Variants in N4BP2 observed in about 807,000 individuals in gnomAD.
N4BP2 encodes NEDD4 binding protein 2.
Under a neutral mutation model 152.8 loss-of-function variants are expected in N4BP2, and 91 were observed. The observed-to-expected ratio is 0.60, with a 90% CI of 0.50 to 0.71. The LOEUF (loss-of-function observed/expected upper bound fraction) is 0.71. N4BP2 is among the 30% of genes least tolerant of loss of function. The probability of loss-of-function intolerance (pLI) is 0.00; values close to 1 mark genes in which losing one functional copy is unlikely to be tolerated. For missense variants in N4BP2, 1,923 were observed against 2,059.1 expected (o/e 0.93, Z 1.28); for synonymous variants, 646 against 705.3 (o/e 0.92, Z 1.33).
chr4:40,075,138 A>AT (rs1208994553), intron 2 of N4BP2, among the ~76,000 whole-genome samples: 1 of 152,182 alleles, frequency 6.6e-6, no homozygotes, highest in Non-Finnish European at 1.5e-5. Flanking sequence ...ATTTTGGCGT[A>AT]TATATCATGA....
chr4:40,116,203 A>G (rs1941287233), intron 7 of N4BP2, among the ~76,000 whole-genome samples: 2 of 152,062 alleles, frequency 1.3e-5, no homozygotes, highest in African/African-American at 4.8e-5. Context: ...TGTAAGCATG[A>G]TGGCTGGATT....
chr4:40,136,956 AC>A lies in N4BP2; in HGVS notation c.4660del (p.His1554ThrfsTer15). 1 of 1,610,800 alleles carries A rather than the reference AC, an allele frequency of 6.2e-7. No homozygotes were observed. Among genetic ancestry groups the A allele is most frequent in the East Asian group, 2.2e-5 (1 of 44,794 alleles). ...IFKDHNYSLE[H>X]TVQFLNCVLE... The stretch of plus-strand genomic sequence containing the variant: ...AAATTTTCTACAGCTATTCATTAGA[AC>A]ACACAGTGCAATTTCTTAACTGTGT... On this transcript the variant is annotated frameshift_variant, in exon 14 of 18. Transcript: ENST00000261435. LOFTEE classifies it high-confidence loss of function.
the N4BP2 span, among the ~76,000 whole-genome samples, chr4:40,180,575 G>T: frequency 2.1e-3 from 323 of 152,260 alleles, no homozygotes; most frequent in African/African-American, 6.6e-3. Context: ...AATTACTCAT[G>T]CACAATTCAT....
intron 13 of N4BP2, among the ~76,000 whole-genome samples, chr4:40,134,903 T>TTC (rs137922312): frequency 7.3e-4 from 62 of 85,332 alleles, no homozygotes; most frequent in Admixed American, 1.3e-3. Context: ...CTTCCTTCCT[T>TTC]TCTCTCTCTC....
chr4:40,097,294 A>C lies in N4BP2; in HGVS notation c.-47A>C. 6.6e-7 allele frequency: 1 copy of C among 1,523,586 alleles called. No homozygotes were observed. The highest frequency in any genetic ancestry group is 9.1e-7 in the Non-Finnish European group (1 of 1,101,386). The allele number at this position is 1,523,586 out of a possible 1,614,324, so 94.4% of individuals were successfully genotyped here. A position where few individuals can be genotyped will look rare whatever the true frequency, so the allele number is the denominator to read the frequency against. On this transcript the variant is annotated 5_prime_UTR_variant, in exon 3 of 18. Coordinates refer to ENST00000261435, the MANE Select transcript of N4BP2 (RefSeq NM_018177.6). ...TGTTTGAATTATGACTTAAATGTCA[A>C]ACATCTTAACTAAGAAAAGGGAAAC... is the stretch of plus-strand genomic sequence containing the variant.
intron 1 of N4BP2, among the ~76,000 whole-genome samples, chr4:40,071,509 T>C (rs188289734): frequency 1.3e-5 from 2 of 152,344 alleles, no homozygotes; most frequent in African/African-American, 4.8e-5. Flanking sequence ...TATGGTTTTC[T>C]TTTTGCTTCT....
downstream of N4BP2, among the ~76,000 whole-genome samples, chr4:40,159,452 C>T (rs903966656): frequency 6.6e-6 from 1 of 152,200 alleles, no homozygotes; most frequent in Admixed American, 6.6e-5. Context: ...GTTCATCATT[C>T]TGCCATACCC....
intron 1 of N4BP2, among the ~76,000 whole-genome samples, chr4:40,064,108 A>G (rs957696549): frequency 6.6e-6 from 1 of 151,970 alleles, no homozygotes; most frequent in Admixed American, 6.6e-5. Flanking sequence ...ATCCACTGTA[A>G]TTCTTAACCA....
intron 13 of N4BP2, among the ~76,000 whole-genome samples, chr4:40,134,854 C>CTTCT (rs946392018): frequency 4.0e-5 from 6 of 151,522 alleles, no homozygotes; most frequent in Non-Finnish European, 8.8e-5. Flanking sequence ...TGCTTTCTTG[C>CTTCT]TTCTTTCTTT....
At chr4:40,151,024 C>G (rs1287009555) in intron 16 of N4BP2, among the ~76,000 whole-genome samples, 2 of 152,138 alleles carry the variant, frequency 1.3e-5, no homozygotes, top group Non-Finnish European at 2.9e-5. Flanking sequence ...ATGAGTTAAA[C>G]AGTCCTTTCT....
At chr4:40,178,182 CAACAA>C in the N4BP2 span, among the ~76,000 whole-genome samples, 5 of 150,804 alleles carry the variant, frequency 3.3e-5, no homozygotes, top group African/African-American at 1.2e-4. Flanking sequence ...ACAAAGAACC[CAACAA>C]AACAAAACAA....
At chr4:40,146,087 C>T (rs1560643502) in intron 16 of N4BP2, among the ~76,000 whole-genome samples, 1 of 151,994 alleles carries the variant, frequency 6.6e-6, no homozygotes, top group African/African-American at 2.4e-5. Context: ...TACTTGAACC[C>T]TGGAGGCGGA....
Position 40,103,073 on chromosome 4 carries a change from GTA to G in N4BP2, c.1230_1231del (p.Trp411GlufsTer3), listed in dbSNP as rs1440828749. 4 of 1,614,118 alleles carry G rather than the reference GTA, an allele frequency of 2.5e-6. No homozygotes were observed. Among genetic ancestry groups the G allele is most frequent in the Non-Finnish European group, 3.4e-6 (4 of 1,180,030 alleles). On this transcript the variant is annotated frameshift_variant, in exon 4 of 18. Transcript: ENST00000261435. LOFTEE classifies it high-confidence loss of function. ...SVISHTSPTK[V>X]WRNKDGTSAY... ...TATTTCTCACACTTCCCCAACAAAA[GTA>G]TGGAGAAATAAAGATGGAACAAGTG...
chr4:40,117,334 G>A (rs1356231162), intron 7 of N4BP2, among the ~76,000 whole-genome samples: 2 of 152,114 alleles, frequency 1.3e-5, no homozygotes, highest in African/African-American at 4.8e-5. Context: ...AGCCAGATTT[G>A]CCCAACTGGC....
At chr4:40,154,139 T>A in intron 17 of N4BP2, 53 bp from the exon 18 acceptor site, 1 of 1,254,946 alleles carries the variant, frequency 8.0e-7, no homozygotes, top group Non-Finnish European at 1.2e-6. Flanking sequence ...GGTATATTCC[T>A]TAGCTAATTT....
chr4:40,061,377 T>G (rs1048193435), intron 1 of N4BP2, among the ~76,000 whole-genome samples: 2 of 151,666 alleles, frequency 1.3e-5, no homozygotes, highest in Admixed American at 1.3e-4. Context: ...TATTTATTTA[T>G]TTTTGAGATG....
chr4:40,105,752 G>C (rs1716211423), intron 4 of N4BP2, among the ~76,000 whole-genome samples: 1 of 151,902 alleles, frequency 6.6e-6, no homozygotes, highest in Non-Finnish European at 1.5e-5. Flanking sequence ...AGTCTTACCA[G>C]CTTGCCCAGG....
intron 1 of N4BP2, among the ~76,000 whole-genome samples, chr4:40,061,994 G>A (rs1733691746): frequency 6.6e-6 from 1 of 151,342 alleles, no homozygotes; most frequent in Non-Finnish European, 1.5e-5. Context: ...GAAAATATTT[G>A]CATTAATTTG....
chr4:40,176,561 AAGAAAT>A, the N4BP2 span, among the ~76,000 whole-genome samples: 1 of 152,222 alleles, frequency 6.6e-6, no homozygotes, highest in African/African-American at 2.4e-5. Flanking sequence ...AACTCCAGTT[AAGAAAT>A]GTAGGATTAA....
Sources: gnomAD v4.1 joint callset for allele counts (sites outside exome capture counted in the v4.1 genomes callset) on GRCh38, gnomAD v4.1.1 for gene constraint, MANE v1.5 for transcripts, NCBI Gene and HGNC (gene_info 2026-07-23, HGNC 2026-07-21) for gene names.